Variants in MARCHF1 observed in about 807,000 individuals in gnomAD.
The protein encoded by MARCHF1 is E3 ubiquitin-protein ligase MARCHF1.
MARCHF1 carries 40 observed loss-of-function variants against 54.2 expected under a neutral mutation model. The observed-to-expected ratio is 0.74, with a 90% CI of 0.57 to 0.96. The LOEUF (loss-of-function observed/expected upper bound fraction) is 0.96, where lower values mean the gene tolerates loss of function less well. MARCHF1 is among the 40% of genes least tolerant of loss of function. The pLI is 0.00. For synonymous variants in MARCHF1, 236 were observed against 236.3 expected (o/e 1.00, Z 0.01); for missense variants, 586 against 656.5 (o/e 0.89, Z 1.17).
At chr4:163,865,389 C>T (rs1750026196) in intron 3 of MARCHF1, among the ~76,000 whole-genome samples, 1 of 151,820 alleles carries the variant, frequency 6.6e-6, no homozygotes, top group South Asian at 2.1e-4. Context: ...ACTGTATTGC[C>T]ATGTGGATTT....
At chr4:163,669,609 T>A (rs1743659699) in intron 5 of MARCHF1, among the ~76,000 whole-genome samples, 1 of 151,766 alleles carries the variant, frequency 6.6e-6, no homozygotes, top group African/African-American at 2.4e-5. Context: ...ATCTTTTTTT[T>A]TTTTTTTGAG....
chr4:164,332,243 T>G (rs1729561929), intron 1 of MARCHF1, among the ~76,000 whole-genome samples: 1 of 152,192 alleles, frequency 6.6e-6, no homozygotes. Context: ...CACAAGTGAC[T>G]GTTGTTCCAG....
intron 2 of MARCHF1, among the ~76,000 whole-genome samples, chr4:164,055,654 A>G: frequency 6.6e-6 from 1 of 152,206 alleles, no homozygotes; most frequent in Non-Finnish European, 1.5e-5. Context: ...GACTTAAAAT[A>G]TATTAAGTAG....
chr4:164,069,120 C>T (rs7698590), intron 2 of MARCHF1, among the ~76,000 whole-genome samples: 109,434 of 152,054 alleles, frequency 0.72, 40,001 homozygotes, highest in Non-Finnish European at 0.79. Flanking sequence ...AATACACCAA[C>T]TGACACTCTG....
intron 3 of MARCHF1, among the ~76,000 whole-genome samples, chr4:163,862,408 C>G (rs1033420807): frequency 7.9e-5 from 12 of 151,900 alleles, no homozygotes; most frequent in African/African-American, 1.2e-4. Context: ...TCTGAACAGA[C>G]ATTTCAATAA....
At chr4:163,946,735 A>C (rs1482144495) in intron 3 of MARCHF1, among the ~76,000 whole-genome samples, 1 of 152,234 alleles carries the variant, frequency 6.6e-6, no homozygotes, top group Non-Finnish European at 1.5e-5. Flanking sequence ...CTAATTTTAC[A>C]CGATTGTGGC....
chr4:164,217,754 A>C (rs1382756751), intron 1 of MARCHF1, among the ~76,000 whole-genome samples: 1 of 152,184 alleles, frequency 6.6e-6, no homozygotes, highest in African/African-American at 2.4e-5. Context: ...GCATCCCCAG[A>C]AAGCCAAACT....
intron 8 of MARCHF1, among the ~76,000 whole-genome samples, chr4:163,552,461 G>A (rs1739137848): frequency 6.6e-6 from 1 of 152,180 alleles, no homozygotes; most frequent in African/African-American, 2.4e-5. Flanking sequence ...ACTGAAAAAC[G>A]GTAATAAACA....
chr4:164,148,471 A>G (rs1729833467), intron 1 of MARCHF1, among the ~76,000 whole-genome samples: 1 of 151,488 alleles, frequency 6.6e-6, no homozygotes, highest in Admixed American at 6.6e-5. Flanking sequence ...CCATTCTACC[A>G]TTTCTTTATC....
chr4:163,766,348 A>G (rs760507838), intron 4 of MARCHF1, among the ~76,000 whole-genome samples: 1 of 152,178 alleles, frequency 6.6e-6, no homozygotes, highest in Non-Finnish European at 1.5e-5. Flanking sequence ...ATTAGAGAAG[A>G]GAATGCTTCA....
chr4:164,267,787 G>T (rs1424869248), intron 1 of MARCHF1, among the ~76,000 whole-genome samples: 1 of 152,090 alleles, frequency 6.6e-6, no homozygotes, highest in African/African-American at 2.4e-5. Flanking sequence ...AAATAAACCT[G>T]CAAAGAGAGC....
At chr4:163,832,994 T>G in intron 4 of MARCHF1, among the ~76,000 whole-genome samples, 1 of 152,122 alleles carries the variant, frequency 6.6e-6, no homozygotes, top group Admixed American at 6.5e-5. Context: ...CTATCATTGT[T>G]GGATATTTGG....
intron 5 of MARCHF1, among the ~76,000 whole-genome samples, chr4:163,692,776 C>G (rs1369068154): frequency 6.6e-6 from 1 of 151,070 alleles, no homozygotes; most frequent in Non-Finnish European, 1.5e-5. Flanking sequence ...TCGGTCTGTT[C>G]CCTGTAGAAA....
intron 1 of MARCHF1, among the ~76,000 whole-genome samples, chr4:164,245,953 A>G (rs1224130375): frequency 1.9e-5 from 1 of 52,942 alleles, no homozygotes; most frequent in African/African-American, 5.8e-5. Flanking sequence ...ATAAAAGAGG[A>G]TACAAACAAA....
chr4:163,531,700 G>GT lies in MARCHF1; in HGVS notation c.1340-2655dup, dbSNP rs540694534. On this transcript the variant is annotated intron_variant, in intron 9 of 9. Transcript: ENST00000514618. The stretch of plus-strand genomic sequence containing the variant: ...TATAAAATCTCAAAGAACTGATTAA[G>GT]TTTTTTTTTTAAATAGGTGATTATG... Among the ~76,000 whole-genome samples, 32 of 149,468 alleles carry GT rather than the reference G, an allele frequency of 2.1e-4. 1 individual carries two copies. In the Middle Eastern group the frequency reaches 0.01, roughly 49 times the overall value.
chr4:164,107,608 C>A (rs957162702), intron 2 of MARCHF1, among the ~76,000 whole-genome samples: 1 of 152,028 alleles, frequency 6.6e-6, no homozygotes, highest in African/African-American at 2.4e-5. Context: ...AGTAATCCAC[C>A]CACTTCTGCC....
At chr4:164,037,550 G>A (rs532306617) in intron 2 of MARCHF1, among the ~76,000 whole-genome samples, 6 of 152,254 alleles carry the variant, frequency 3.9e-5, no homozygotes, top group Non-Finnish European at 7.4e-5. Context: ...TAATAAATGA[G>A]GGAGATGATC....
chr4:163,743,255 G>A (rs528436063), intron 4 of MARCHF1, among the ~76,000 whole-genome samples: 117 of 152,306 alleles, frequency 7.7e-4, no homozygotes, highest in African/African-American at 2.6e-3. Flanking sequence ...ATTATCTGAT[G>A]TGGCACTAAA....
intron 3 of MARCHF1, among the ~76,000 whole-genome samples, chr4:163,979,947 G>A (rs1304336092): frequency 5.9e-5 from 9 of 152,052 alleles, no homozygotes; most frequent in South Asian, 2.1e-4. Context: ...AGTAGGTTGC[G>A]AAAATTTTCT....
Sources: gnomAD v4.1 joint callset for allele counts (sites outside exome capture counted in the v4.1 genomes callset) on GRCh38, gnomAD v4.1.1 for gene constraint, MANE v1.5 for transcripts, NCBI Gene and HGNC (gene_info 2026-07-23, HGNC 2026-07-21) for gene names.